Variants in FOXP1 observed in about 807,000 individuals in gnomAD.
FOXP1 encodes the protein forkhead box P1.
FOXP1 carries 15 observed loss-of-function variants against 98.2 expected under a neutral mutation model. The ratio of observed to expected loss-of-function variants is 0.15; its 90% CI spans 0.10 to 0.24. FOXP1 has a LOEUF of 0.24. FOXP1 is among the 10% of genes least tolerant of loss of function. The probability of loss-of-function intolerance (pLI) is 1.00; values close to 1 mark genes in which losing one functional copy is unlikely to be tolerated. For synonymous variants in FOXP1, 371 were observed against 314.5 expected (o/e 1.18, Z -1.90); for missense variants, 633 against 848.5 (o/e 0.75, Z 3.15).
At chr3:71,077,110 G>C (rs542013788) in intron 7 of FOXP1, among the ~76,000 whole-genome samples, 2 of 152,332 alleles carry the variant, frequency 1.3e-5, no homozygotes, top group African/African-American at 4.8e-5. Context: ...AACAAAGCTT[G>C]AAGAGAGCTC....
intron 3 of FOXP1, among the ~76,000 whole-genome samples, chr3:71,403,717 G>A (rs548996348): frequency 3.7e-4 from 57 of 152,254 alleles, no homozygotes; most frequent in South Asian, 1.0e-3. Flanking sequence ...CCAATGTGGT[G>A]GCAGGCACCT....
intron 4 of FOXP1, among the ~76,000 whole-genome samples, chr3:71,308,373 A>G (rs1217168035): frequency 1.3e-5 from 2 of 152,242 alleles, no homozygotes; most frequent in Non-Finnish European, 2.9e-5. Flanking sequence ...ATCTTTCAGT[A>G]AAAGAACTCT....
At chr3:71,287,004 C>T (rs914885103) in intron 5 of FOXP1, among the ~76,000 whole-genome samples, 2 of 152,004 alleles carry the variant, frequency 1.3e-5, no homozygotes, top group African/African-American at 2.4e-5. Flanking sequence ...CCACCAGTTG[C>T]AGGTATAGAA....
intron 3 of FOXP1, among the ~76,000 whole-genome samples, chr3:71,441,899 A>G (rs1319601473): frequency 6.6e-6 from 1 of 152,166 alleles, no homozygotes; most frequent in Non-Finnish European, 1.5e-5. Flanking sequence ...TTGGGGAAAA[A>G]TTATTTTCTA....
chr3:71,210,823 C>T (rs141344208), intron 5 of FOXP1: 1 of 152,316 alleles, frequency 6.6e-6, no homozygotes, highest in East Asian at 1.9e-4. Flanking sequence ...CCTCACTGTC[C>T]TGTCTTCAGG....
intron 3 of FOXP1, among the ~76,000 whole-genome samples, chr3:71,462,888 TTCTCTCGAAAACCAATGC>T (rs1294163459): frequency 3.9e-5 from 6 of 152,334 alleles, no homozygotes; most frequent in African/African-American, 1.4e-4. Context: ...ACCCCAGGTC[TTCTCTCGAAAACCAATGC>T]TATGCCAAAG....
At chr3:71,556,025 T>C (rs1157717987) in intron 2 of FOXP1, among the ~76,000 whole-genome samples, 2 of 152,100 alleles carry the variant, frequency 1.3e-5, no homozygotes, top group Non-Finnish European at 1.5e-5. Flanking sequence ...TACAGAATGT[T>C]ATAAGGCATA....
At chr3:70,967,857 A>G (rs998936376) in intron 19 of FOXP1, among the ~76,000 whole-genome samples, 1 of 151,624 alleles carries the variant, frequency 6.6e-6, no homozygotes, top group Non-Finnish European at 1.5e-5. Context: ...CTCTCATAAG[A>G]CAATTTCACT....
chr3:71,483,993 A>G (rs1281107976), intron 3 of FOXP1, among the ~76,000 whole-genome samples: 3 of 152,228 alleles, frequency 2.0e-5, no homozygotes, highest in African/African-American at 4.8e-5. Context: ...ATTATCCACC[A>G]GCTCGAATTT....
intron 5 of FOXP1, among the ~76,000 whole-genome samples, chr3:71,233,330 A>T (rs1342030421): frequency 6.6e-6 from 1 of 152,272 alleles, no homozygotes; most frequent in Non-Finnish European, 1.5e-5. Context: ...GGTCCAACTC[A>T]TAAAAAACTG....
In FOXP1 at chr3:71,224,176, A is replaced by G. The variant is rs534114493; in HGVS notation, c.-11-25784T>C. 2.5e-4 allele frequency among the ~76,000 whole-genome samples: 38 copies of G among 152,332 alleles called. No individual in the cohort carries two copies. In the South Asian group the frequency reaches 7.7e-3, roughly 31 times the overall value. On this transcript the variant is annotated intron_variant, in intron 5 of 20. Coordinates refer to ENST00000649528, the MANE Select transcript of FOXP1 (RefSeq NM_001349338.3). Reference sequence around the variant, plus strand: ...AGGGTGGTGGTCAAGTTCTAGGATCATCACTGTAGTGAATGAGAGGACTCT... The same window carrying G: ...AGGGTGGTGGTCAAGTTCTAGGATCGTCACTGTAGTGAATGAGAGGACTCT...
intron 4 of FOXP1, among the ~76,000 whole-genome samples, chr3:71,328,990 CAA>C (rs56332143): frequency 5.1e-5 from 3 of 59,026 alleles, no homozygotes; most frequent in East Asian, 2.0e-3. Flanking sequence ...AAAAAAAAAA[CAA>C]AAAAAAAAAA....
intron 6 of FOXP1, among the ~76,000 whole-genome samples, chr3:71,158,110 AGGGAGGGAGGGAGGG>A (rs1560038277): frequency 8.8e-4 from 17 of 19,278 alleles, no homozygotes; most frequent in Admixed American, 5.8e-3. Flanking sequence ...GAAGGAAGGG[AGGGAGGGAGGGAGGG>A]AGGGAGGGAG....
chr3:71,518,658 G>C (rs982131067), intron 2 of FOXP1, among the ~76,000 whole-genome samples: 27 of 152,176 alleles, frequency 1.8e-4, no homozygotes, highest in African/African-American at 6.5e-4. Context: ...GCCATAAAAT[G>C]TAAGAACAAA....
intron 2 of FOXP1, among the ~76,000 whole-genome samples, chr3:71,517,737 T>A (rs2042686546): frequency 6.6e-6 from 1 of 152,192 alleles, no homozygotes; most frequent in Admixed American, 6.5e-5. Flanking sequence ...TTTCATTAGT[T>A]ACATTCTTAG....
intron 4 of FOXP1, among the ~76,000 whole-genome samples, chr3:71,318,145 C>A (rs1238693234): frequency 7.4e-6 from 1 of 135,250 alleles, no homozygotes; most frequent in African/African-American, 2.8e-5. Context: ...AATAATTCTA[C>A]CCAGCAAGGT....
intron 10 of FOXP1, among the ~76,000 whole-genome samples, chr3:71,043,375 G>A (rs2048604811): frequency 1.3e-5 from 2 of 152,154 alleles, no homozygotes; most frequent in Non-Finnish European, 2.9e-5. Context: ...AAACAAAGGG[G>A]AAAGGTCACT....
chr3:71,008,873 T>A (rs953609257), intron 12 of FOXP1, among the ~76,000 whole-genome samples: 1 of 151,982 alleles, frequency 6.6e-6, no homozygotes, highest in African/African-American at 2.4e-5. Context: ...AAAAAAAATA[T>A]GCTTCAGTTT....
chr3:71,458,753 C>T (rs1453944292), intron 3 of FOXP1, among the ~76,000 whole-genome samples: 6 of 152,186 alleles, frequency 3.9e-5, no homozygotes, highest in African/African-American at 1.4e-4. Flanking sequence ...GACCATTTTA[C>T]TTATTCTGCA....
Sources: allele counts gnomAD v4.1 joint callset (sites outside exome capture counted in the v4.1 genomes callset), GRCh38; gene constraint gnomAD v4.1.1; transcripts MANE v1.5; gene names NCBI Gene and HGNC (gene_info 2026-07-23, HGNC 2026-07-21).